The following ROBO2 variants were observed in gnomAD, a reference collection of about 807,000 sequenced individuals.
ROBO2 encodes roundabout guidance receptor 2, also known as roundabout homolog 2.
In ROBO2, 53 loss-of-function variants were observed where a neutral mutation model predicts 160.8. That is an observed-to-expected ratio of 0.33 (90% CI 0.26 to 0.41). The LOEUF is 0.41. ROBO2 is among the 10% of genes least tolerant of loss of function. The pLI is 1.00. For synonymous variants in ROBO2, 664 were observed against 611.7 expected (o/e 1.09, Z -1.26); for missense variants, 1,577 against 1,722.4 (o/e 0.92, Z 1.49).
intron 2 of ROBO2, among the ~76,000 whole-genome samples, chr3:76,320,364 T>C (rs2072416315): frequency 6.6e-6 from 1 of 152,178 alleles, no homozygotes; most frequent in Admixed American, 6.5e-5. Flanking sequence ...GTATTGTCAA[T>C]TTACAGCTCT....
At chr3:77,503,538 A>C (rs186983923) in intron 5 of ROBO2, among the ~76,000 whole-genome samples, 100 of 147,884 alleles carry the variant, frequency 6.8e-4, no homozygotes, top group Middle Eastern at 3.6e-3. Flanking sequence ...TAAATAAATA[A>C]ATAAATAAAT....
chr3:77,547,647 C>T (rs1044775494), intron 7 of ROBO2, among the ~76,000 whole-genome samples: 1 of 152,026 alleles, frequency 6.6e-6, no homozygotes, highest in Non-Finnish European at 1.5e-5. Flanking sequence ...GTTCTAACAG[C>T]TCAGTCTGGA....
At chr3:76,037,724 T>C (rs1178010509) in intron 2 of ROBO2, among the ~76,000 whole-genome samples, 4 of 151,888 alleles carry the variant, frequency 2.6e-5, no homozygotes, top group Non-Finnish European at 5.9e-5. Context: ...GAGAAAAATA[T>C]ATGAAAGAAA....
chr3:76,802,422 A>G (rs1274730478), intron 2 of ROBO2, among the ~76,000 whole-genome samples: 1 of 152,044 alleles, frequency 6.6e-6, no homozygotes, highest in East Asian at 1.9e-4. Flanking sequence ...GGTCCTTAAA[A>G]CCACTGTAAG....
At chr3:76,408,810 G>A (rs993332154) in intron 2 of ROBO2, among the ~76,000 whole-genome samples, 1 of 152,000 alleles carries the variant, frequency 6.6e-6, no homozygotes, top group East Asian at 1.9e-4. Context: ...AAATTTTGTA[G>A]GTATCTGAAT....
At chr3:76,273,978 T>C (rs1202027471) in intron 2 of ROBO2, among the ~76,000 whole-genome samples, 1 of 151,460 alleles carries the variant, frequency 6.6e-6, no homozygotes, top group Non-Finnish European at 1.5e-5. Context: ...AAAGAGAGGG[T>C]GAAAGGGAGA....
intron 2 of ROBO2, among the ~76,000 whole-genome samples, chr3:76,230,372 A>C (rs1304511143): frequency 6.6e-6 from 1 of 151,896 alleles, no homozygotes; most frequent in East Asian, 1.9e-4. Context: ...TTACTACTAC[A>C]TTTGTCCTTC....
At chr3:76,489,399 GAGCA>G (rs2079690822) in intron 2 of ROBO2, among the ~76,000 whole-genome samples, 2 of 152,062 alleles carry the variant, frequency 1.3e-5, no homozygotes, top group African/African-American at 4.8e-5. Context: ...CCAATAGCCT[GAGCA>G]AGCCACACAT....
At chr3:75,949,806 G>A (rs1164652958) in intron 2 of ROBO2, among the ~76,000 whole-genome samples, 1 of 151,952 alleles carries the variant, frequency 6.6e-6, no homozygotes, top group East Asian at 1.9e-4. Flanking sequence ...CCTTCTGAAA[G>A]CTATTTGAAT....
chr3:77,056,794 T>A (rs1413994682), intron 1 of ROBO2, among the ~76,000 whole-genome samples: 1 of 152,134 alleles, frequency 6.6e-6, no homozygotes, highest in Non-Finnish European at 1.5e-5. Context: ...AGGGAAGATG[T>A]TTTATAAATC....
chr3:76,548,225 A>C (rs1246994877), intron 2 of ROBO2, among the ~76,000 whole-genome samples: 1 of 152,196 alleles, frequency 6.6e-6, no homozygotes, highest in Admixed American at 6.5e-5. Context: ...CATTCAATTC[A>C]TTCAACAAAC....
intron 15 of ROBO2, 87 bp from the exon 17 acceptor site, chr3:77,579,860 T>G (rs2093868423): frequency 1.6e-6 from 2 of 1,246,820 alleles, no homozygotes; most frequent in African/African-American, 3.0e-5. Context: ...CAGGTTATGA[T>G]TAAAAAATAT....
intron 2 of ROBO2, among the ~76,000 whole-genome samples, chr3:77,138,249 T>G (rs578208364): frequency 1.3e-5 from 2 of 152,362 alleles, no homozygotes; most frequent in East Asian, 1.9e-4. Context: ...CTACAATTAT[T>G]AAGTCTATTT....
intron 2 of ROBO2, among the ~76,000 whole-genome samples, chr3:76,724,889 CAGAAA>C (rs1472948461): frequency 6.6e-6 from 1 of 152,066 alleles, no homozygotes; most frequent in East Asian, 1.9e-4. Context: ...TCCATAGGCG[CAGAAA>C]AGAAGTCAGT....
intron 2 of ROBO2, among the ~76,000 whole-genome samples, chr3:76,552,553 T>C (rs2108373722): frequency 6.6e-6 from 1 of 152,358 alleles, no homozygotes; most frequent in Admixed American, 6.5e-5. Flanking sequence ...CAACTAATTA[T>C]TAAACAACTC....
chr3:77,112,637 C>T (rs2073777405), intron 2 of ROBO2, among the ~76,000 whole-genome samples: 2 of 152,104 alleles, frequency 1.3e-5, no homozygotes, highest in Admixed American at 6.5e-5. Flanking sequence ...ATCAGTAGAT[C>T]CTATCGTTCC....
At position 77,476,538 on chromosome 3, in the gene ROBO2, T is replaced by C. The variant is rs561861698; in HGVS notation, c.389-876T>C. 1.9e-3 allele frequency among the ~76,000 whole-genome samples: 294 copies of C among 152,258 alleles called. 2 individuals are homozygous for C. The highest frequency in any genetic ancestry group is 6.9e-3 in the African/African-American group (287 of 41,554). ...ATATGGTACATTTGCTGATCTCAAC[T>C]ACTTTTTTGAATGTTTACCCTAAAA... On this transcript the variant is annotated intron_variant, in intron 2 of 25. Transcript: ENST00000461745.
chr3:76,644,142 C>G (rs2090845018), intron 2 of ROBO2, among the ~76,000 whole-genome samples: 1 of 152,130 alleles, frequency 6.6e-6, no homozygotes, highest in African/African-American at 2.4e-5. Flanking sequence ...TAAGGGCAGG[C>G]ACTATCTTCA....
chr3:75,975,022 T>A (rs867448935), intron 2 of ROBO2, among the ~76,000 whole-genome samples: 3 of 150,570 alleles, frequency 2.0e-5, no homozygotes, highest in African/African-American at 7.3e-5. Flanking sequence ...ACTATAATAA[T>A]CTTTTTCACA....
Sources: allele counts gnomAD v4.1 joint callset (sites outside exome capture counted in the v4.1 genomes callset), GRCh38; gene constraint gnomAD v4.1.1; transcripts MANE v1.5; gene names NCBI Gene and HGNC (gene_info 2026-07-23, HGNC 2026-07-21).